The following SPATA12 variants were observed in gnomAD, a reference collection of about 807,000 sequenced individuals.
The protein encoded by SPATA12 is spermatogenesis associated 12, also known as spermatogenesis-associated protein 12.
For missense variants in SPATA12, 219 were observed against 226.4 expected, an observed-to-expected ratio of 0.97 and a Z score of 0.21; for synonymous variants, 85 against 89.2, an observed-to-expected ratio of 0.95 and a Z score of 0.26.
At chr3:57,070,825 A>G (rs9837868) in intron 1 of SPATA12, among the ~76,000 whole-genome samples, 42,152 of 151,684 alleles carry the variant, frequency 0.28, 6,836 homozygotes, top group East Asian at 0.48. Context: ...ATTAAAAATT[A>G]GCTGGGTATG....
At chr3:57,070,215 G>A (rs1460946759) in intron 1 of SPATA12, among the ~76,000 whole-genome samples, 1 of 152,198 alleles carries the variant, frequency 6.6e-6, no homozygotes, top group Non-Finnish European at 1.5e-5. Context: ...GGGGTTATGG[G>A]AGTATCTTAG....
intron 1 of SPATA12, among the ~76,000 whole-genome samples, chr3:57,071,659 C>CAAAA (rs34281617): frequency 8.0e-6 from 1 of 124,918 alleles, no homozygotes; most frequent in Non-Finnish European, 1.7e-5. Flanking sequence ...AACTCCATCT[C>CAAAA]AAAAAAAAAA....
chr3:57,074,045 T>C lies in SPATA12; in HGVS notation c.351T>C (p.Ser117=). 1.2e-6 allele frequency: 2 copies of C among 1,614,214 alleles called. No individual in the cohort carries two copies. Among genetic ancestry groups the C allele is most frequent in the Non-Finnish European group, 1.7e-6 (2 of 1,180,018 alleles). The stretch of plus-strand genomic sequence containing the variant: ...CAGCTCTCCTGATACAGCAAGGCAG[T>C]TGTGAGCAAGTTATTCATAACTCTA... ...SPPALLIQQG[S]CEQVIHNSTP... is the part of the protein sequence containing the mutation. The change falls in exon 2 of 2, where the codon AGT becomes AGC. Residue 117 remains serine, a synonymous_variant. Coordinates refer to ENST00000334325, the MANE Select transcript of SPATA12 (RefSeq NM_181727.2).
intron 1 of SPATA12, among the ~76,000 whole-genome samples, 197 bp downstream of exon 1, chr3:57,060,983 A>G (rs1332031879): frequency 6.6e-6 from 1 of 152,204 alleles, no homozygotes; most frequent in Non-Finnish European, 1.5e-5. Flanking sequence ...AAAATATAAT[A>G]TAAAACATAC....
chr3:57,075,178 T>G lies in SPATA12; in HGVS notation c.*911T>G, dbSNP rs1444920727. 1.8e-5 allele frequency: 3 copies of G among 167,230 alleles called. No homozygotes were observed. The highest frequency in any genetic ancestry group is 7.2e-5 in the African/African-American group (3 of 41,438). The allele number at this position is 167,230 out of a possible 1,614,324, so 10.4% of individuals were successfully genotyped here. A position where few individuals can be genotyped will look rare whatever the true frequency, so the allele number is the denominator to read the frequency against. ...TCTCCTCAGAAAGACCTTCTCTGACTGAAGCCAGCTCTGCCTCCATCCCAT... is the reference window on the plus strand; with the variant it reads ...TCTCCTCAGAAAGACCTTCTCTGACGGAAGCCAGCTCTGCCTCCATCCCAT... On this transcript the variant is annotated 3_prime_UTR_variant, in exon 2 of 2. Coordinates refer to ENST00000334325, the MANE Select transcript of SPATA12 (RefSeq NM_181727.2).
intron 1 of SPATA12, among the ~76,000 whole-genome samples, chr3:57,062,905 A>G (rs1390605302): frequency 4.6e-5 from 7 of 152,244 alleles, no homozygotes; most frequent in Non-Finnish European, 1.0e-4. Flanking sequence ...CAGGGAACAC[A>G]ATAGAAGAAA....
At position 57,074,526 on chromosome 3, in the gene SPATA12, C is replaced by A; in HGVS notation, c.*259C>A. On this transcript the variant is annotated 3_prime_UTR_variant, in exon 2 of 2. Coordinates refer to ENST00000334325, the MANE Select transcript of SPATA12 (RefSeq NM_181727.2). ...ATCCAGATCTCATACTCTTAGCCCC[C>A]GGGGAACCTTCACTGTATTAAATGA... The A allele has an allele frequency of 2.1e-6, 1 of 483,630 alleles. No homozygotes were observed. Among genetic ancestry groups the A allele is most frequent in the Non-Finnish European group, 3.8e-6 (1 of 263,452 alleles). 30.0% of individuals were successfully genotyped at this position (483,630 alleles called of 1,614,324 possible).
chr3:57,062,577 G>A (rs955232028), intron 1 of SPATA12, among the ~76,000 whole-genome samples: 1 of 152,172 alleles, frequency 6.6e-6, no homozygotes, highest in Non-Finnish European at 1.5e-5. Flanking sequence ...CTGCCCAGTA[G>A]TACTGAACAA....
At position 57,073,478 on chromosome 3, in the gene SPATA12, T is replaced by C. The variant is rs1335621682; in HGVS notation, c.-217T>C. The C allele has an allele frequency of 3.1e-6, 2 of 637,960 alleles. No individual in the cohort carries two copies. Among genetic ancestry groups the C allele is most frequent in the Admixed American group, 3.6e-5 (1 of 27,528 alleles). The allele number at this position is 637,960 out of a possible 1,614,324, so 39.5% of individuals were successfully genotyped here. A position where few individuals can be genotyped will look rare whatever the true frequency, so the allele number is the denominator to read the frequency against. ...GTAGTGGAAACAGCAGAAGCAAAGATGTGAACATGGGAAAACCTCTGCAGT... is the reference window on the plus strand; with the variant it reads ...GTAGTGGAAACAGCAGAAGCAAAGACGTGAACATGGGAAAACCTCTGCAGT... On this transcript the variant is annotated 5_prime_UTR_variant, in exon 2 of 2. An upstream start codon of the reference 5' UTR is lost. Transcript: ENST00000334325.
At chr3:57,072,309 A>G (rs1297625246) in intron 1 of SPATA12, among the ~76,000 whole-genome samples, 1 of 152,216 alleles carries the variant, frequency 6.6e-6, no homozygotes, top group Non-Finnish European at 1.5e-5. Flanking sequence ...AAGTTTGTAT[A>G]TTCTTCCCTG....
chr3:57,062,058 G>A (rs1473181756), intron 1 of SPATA12, among the ~76,000 whole-genome samples: 2 of 152,144 alleles, frequency 1.3e-5, no homozygotes, highest in Non-Finnish European at 2.9e-5. Context: ...AGAGAGTGGG[G>A]CAGGGATGCT....
chr3:57,072,821 T>C (rs1246511740), intron 1 of SPATA12, among the ~76,000 whole-genome samples: 1 of 150,134 alleles, frequency 6.7e-6, no homozygotes, highest in Non-Finnish European at 1.5e-5. Flanking sequence ...CCAAGGCGGG[T>C]GGATCACGAG....
intron 1 of SPATA12, among the ~76,000 whole-genome samples, chr3:57,067,597 G>T (rs545904285): frequency 6.4e-4 from 97 of 151,396 alleles, no homozygotes; most frequent in African/African-American, 2.3e-3. Context: ...CACACTGGGA[G>T]GCTGAGGCCA....
In SPATA12 at chr3:57,073,965, T is replaced by C; in HGVS notation, c.271T>C (p.Ser91Pro). Reference protein sequence around the residue: ...TCQRYLQAAISLDIAVSQINL... With the variant: ...TCQRYLQAAIPLDIAVSQINL... ...TCAGAGATATTTACAAGCAGCCATC[T>C]CTCTTGACATCGCTGTATCCCAAAT... is the stretch of plus-strand genomic sequence containing the variant. Residue 91 changes from serine (S) to proline (P), a missense_variant, in exon 2 of 2, where the codon TCT (serine) becomes CCT (proline). Coordinates refer to ENST00000334325, the MANE Select transcript of SPATA12 (RefSeq NM_181727.2). 1 of 1,614,152 alleles carries C rather than the reference T, an allele frequency of 6.2e-7. No homozygotes were observed. Among genetic ancestry groups the C allele is most frequent in the Non-Finnish European group, 8.5e-7 (1 of 1,180,040 alleles).
In SPATA12 at chr3:57,074,379, T is replaced by C. The variant is rs746720082; in HGVS notation, c.*112T>C. 1.4e-5 allele frequency: 12 copies of C among 886,446 alleles called. No individual in the cohort carries two copies. The highest frequency in any genetic ancestry group is 2.1e-5 in the Non-Finnish European group (12 of 561,210). The allele number at this position is 886,446 out of a possible 1,614,324, so 54.9% of individuals were successfully genotyped here. A position where few individuals can be genotyped will look rare whatever the true frequency, so the allele number is the denominator to read the frequency against. ...CCCCACCAGGGGTGACTCGTAGCCATCCCTTTCTGCATCTTCTTAGATATC... is the reference window on the plus strand; with the variant it reads ...CCCCACCAGGGGTGACTCGTAGCCACCCCTTTCTGCATCTTCTTAGATATC... On this transcript the variant is annotated 3_prime_UTR_variant, in exon 2 of 2. Coordinates refer to ENST00000334325, the MANE Select transcript of SPATA12 (RefSeq NM_181727.2).
rs1020070832 is a variant in SPATA12 at position 57,073,901 on chromosome 3, G to A, written c.207G>A (p.Glu69=). ...CAGGAGCAGCCTCTGCCCTCCCAGA[G>A]CTGACATTTCAGGGGGATGTGTGCC... ...VLPGAASALP[E]LTFQGDVCQS... The change falls in exon 2 of 2, where the codon GAG becomes GAA. Residue 69 remains glutamate (E), a synonymous_variant. Coordinates refer to ENST00000334325, the MANE Select transcript of SPATA12 (RefSeq NM_181727.2). 5.6e-6 allele frequency: 9 copies of A among 1,614,224 alleles called. No homozygotes were observed. The highest frequency in any genetic ancestry group is 7.6e-6 in the Non-Finnish European group (9 of 1,180,046).
At chr3:57,072,113 A>G (rs1031928471) in intron 1 of SPATA12, among the ~76,000 whole-genome samples, 8 of 149,726 alleles carry the variant, frequency 5.3e-5, no homozygotes, top group African/African-American at 1.9e-4. Flanking sequence ...CACAAGATGG[A>G]TAATAACAAG....
At chr3:57,069,070 T>G (rs919055807) in intron 1 of SPATA12, among the ~76,000 whole-genome samples, 11 of 151,958 alleles carry the variant, frequency 7.2e-5, no homozygotes, top group African/African-American at 2.7e-4. Flanking sequence ...TTACAGGCAC[T>G]CACCACCACG....
At chr3:57,071,878 A>AGGAACT (rs1260796192) in intron 1 of SPATA12, among the ~76,000 whole-genome samples, 22 of 152,358 alleles carry the variant, frequency 1.4e-4, no homozygotes, top group African/African-American at 4.8e-4. Flanking sequence ...ATAGCTGATA[A>AGGAACT]GGAACTGAAC....
Sources: gnomAD v4.1 joint callset for allele counts (sites outside exome capture counted in the v4.1 genomes callset) on GRCh38, gnomAD v4.1.1 for gene constraint, MANE v1.5 for transcripts, NCBI Gene and HGNC (gene_info 2026-07-23, HGNC 2026-07-21) for gene names.